Variants in CSMD1 observed in about 807,000 individuals in gnomAD.
CSMD1 encodes the protein CUB and Sushi multiple domains 1, also known as CUB and sushi domain-containing protein 1.
Under a neutral mutation model 417.5 loss-of-function variants are expected in CSMD1, and 213 were observed. The observed-to-expected ratio is 0.51, with a 90% CI of 0.46 to 0.57. CSMD1 has a LOEUF of 0.57. Among genes scored for constraint, CSMD1 ranks in the 20% least tolerant of loss-of-function variants. The probability of loss-of-function intolerance (pLI) is 0.00; values close to 1 mark genes in which losing one functional copy is unlikely to be tolerated. For synonymous variants in CSMD1, 2,862 were observed against 1,736.8 expected (o/e 1.65, Z -16.11); for missense variants, 6,923 against 4,529.7 (o/e 1.53, Z -15.17).
rs1585117801 is a variant in CSMD1 at position 3,870,143 on chromosome 8, C to T, written c.819-116101G>A. ...AGGTAGAATAAAAACAGAGATTACACATTATTTTACAATTTGAATCTTGGT... is the reference window on the plus strand; with the variant it reads ...AGGTAGAATAAAAACAGAGATTACATATTATTTTACAATTTGAATCTTGGT... On this transcript the variant is annotated intron_variant, in intron 5 of 69. Transcript: ENST00000635120. Among the ~76,000 whole-genome samples, 3 of 152,202 alleles carry T rather than the reference C, an allele frequency of 2.0e-5. 1 individual carries two copies. Among genetic ancestry groups the T allele is most frequent in the Middle Eastern group, 6.8e-3 (2 of 294 alleles).
At chr8:3,652,847 C>T (rs1797927663) in intron 7 of CSMD1, among the ~76,000 whole-genome samples, 2 of 152,140 alleles carry the variant, frequency 1.3e-5, no homozygotes, top group Admixed American at 6.5e-5. Context: ...ACCGTATTGG[C>T]AGAACCTAGA....
At chr8:4,935,134 T>C (rs1226223095) in intron 1 of CSMD1, among the ~76,000 whole-genome samples, 3 of 152,212 alleles carry the variant, frequency 2.0e-5, no homozygotes, top group Admixed American at 6.5e-5. Context: ...CCACTTTCAA[T>C]ATGTGTATCA....
chr8:2,970,492 C>T (rs955029684), intron 57 of CSMD1, among the ~76,000 whole-genome samples: 5 of 152,178 alleles, frequency 3.3e-5, no homozygotes, highest in African/African-American at 1.2e-4. Context: ...AAGGATAGTT[C>T]TGCTTTTAAT....
chr8:4,174,476 G>C (rs1797931617), intron 3 of CSMD1, among the ~76,000 whole-genome samples: 1 of 151,514 alleles, frequency 6.6e-6, no homozygotes, highest in East Asian at 2.0e-4. Flanking sequence ...AGGTTTGGAA[G>C]GTTATTAAAT....
rs113517292 is a variant in CSMD1, at chr8:4,123,123, A to T, written c.416-91024T>A. Among the ~76,000 whole-genome samples the T allele has an allele frequency of 3.8e-3, 580 of 152,360 alleles. 4 individuals carry two copies. The highest frequency in any genetic ancestry group is 0.01 in the Middle Eastern group (3 of 294). Reference sequence around the variant, plus strand: ...ACAGAAAAATGATCCATCAGTACACAAAATAGGAAGATGAAGAATATTTAG... The same window carrying T: ...ACAGAAAAATGATCCATCAGTACACTAAATAGGAAGATGAAGAATATTTAG... On this transcript the variant is annotated intron_variant, in intron 3 of 69. Transcript: ENST00000635120.
At position 3,521,698 on chromosome 8, in the gene CSMD1, G is replaced by C. The variant is rs114497221; in HGVS notation, c.1345-27972C>G. Among the ~76,000 whole-genome samples the C allele has an allele frequency of 8.1e-3, 1,229 of 152,262 alleles. 15 individuals are homozygous for C. The highest frequency in any genetic ancestry group is 0.028 in the African/African-American group (1,175 of 41,558). On this transcript the variant is annotated intron_variant, in intron 10 of 69. Transcript: ENST00000635120. Reference sequence around the variant, plus strand: ...AGTGATGTTAAAGGTCATCAACCATGACCAGAATTTTCTTAATGAGAACAG... The same window carrying C: ...AGTGATGTTAAAGGTCATCAACCATCACCAGAATTTTCTTAATGAGAACAG...
intron 2 of CSMD1, among the ~76,000 whole-genome samples, chr8:4,603,956 T>C (rs1191767599): frequency 6.6e-6 from 1 of 152,212 alleles, no homozygotes; most frequent in African/African-American, 2.4e-5. Context: ...TACATCTATA[T>C]ACATTTCTAA....
At chr8:3,827,317 T>C (rs1802112133) in intron 5 of CSMD1, among the ~76,000 whole-genome samples, 1 of 152,218 alleles carries the variant, frequency 6.6e-6, no homozygotes, top group Admixed American at 6.5e-5. Flanking sequence ...AGGCTCTATA[T>C]AAAAGAATTA....
At chr8:3,503,236 C>A (rs553079160) in intron 10 of CSMD1, among the ~76,000 whole-genome samples, 1 of 152,184 alleles carries the variant, frequency 6.6e-6, no homozygotes, top group African/African-American at 2.4e-5. Context: ...GTCATTAATT[C>A]TGGGATATCC....
chr8:4,708,188 A>G (rs1230191990), intron 1 of CSMD1, among the ~76,000 whole-genome samples: 1 of 152,100 alleles, frequency 6.6e-6, no homozygotes, highest in East Asian at 1.9e-4. Context: ...CTCCACAAAC[A>G]ATCCACCTAC....
chr8:3,864,675 C>G (rs900942134), intron 5 of CSMD1, among the ~76,000 whole-genome samples: 5 of 152,022 alleles, frequency 3.3e-5, no homozygotes, highest in Non-Finnish European at 5.9e-5. Context: ...AAGACACTTT[C>G]GACTGATGAA....
At chr8:3,448,616 C>A (rs765327601) in intron 12 of CSMD1, among the ~76,000 whole-genome samples, 1 of 151,938 alleles carries the variant, frequency 6.6e-6, no homozygotes, top group Non-Finnish European at 1.5e-5. Context: ...ACATGCCATG[C>A]AAAGGTGAGA....
chr8:4,511,716 G>T (rs1438014873), intron 2 of CSMD1, among the ~76,000 whole-genome samples: 1 of 152,144 alleles, frequency 6.6e-6, no homozygotes, highest in African/African-American at 2.4e-5. Context: ...AACTGCTGCT[G>T]GCTCAGTGTT....
At chr8:4,941,114 C>G (rs890797006) in intron 1 of CSMD1, among the ~76,000 whole-genome samples, 1 of 152,070 alleles carries the variant, frequency 6.6e-6, no homozygotes, top group Admixed American at 6.6e-5. Context: ...GTTTGTCTTT[C>G]GCCTCTGATT....
chr8:4,679,994 G>A (rs1298660454), intron 1 of CSMD1, among the ~76,000 whole-genome samples: 5 of 152,120 alleles, frequency 3.3e-5, no homozygotes, highest in Non-Finnish European at 2.9e-5. Context: ...ATAACAGCTT[G>A]TAATTTGTTT....
At chr8:3,700,799 G>A (rs867574921) in intron 7 of CSMD1, among the ~76,000 whole-genome samples, 1 of 152,130 alleles carries the variant, frequency 6.6e-6, no homozygotes, top group South Asian at 2.1e-4. Flanking sequence ...AAGGGTGGGA[G>A]CAAAGGAGTT....
chr8:3,655,899 A>G (rs571332550), intron 7 of CSMD1, among the ~76,000 whole-genome samples: 11 of 152,142 alleles, frequency 7.2e-5, no homozygotes, highest in East Asian at 1.9e-4. Flanking sequence ...CAAGACCTTA[A>G]TCCTTGTGAT....
chr8:4,707,323 T>C, intron 1 of CSMD1, among the ~76,000 whole-genome samples: 1 of 152,176 alleles, frequency 6.6e-6, no homozygotes, highest in East Asian at 1.9e-4. Flanking sequence ...AATTAATTTC[T>C]TCAAGATCAC....
intron 19 of CSMD1, among the ~76,000 whole-genome samples, chr8:3,368,557 T>A (rs1486256062): frequency 2.0e-5 from 3 of 152,204 alleles, no homozygotes; most frequent in Admixed American, 6.5e-5. Context: ...TAGTCTGGTC[T>A]GGAACTCCTG....
Sources: gnomAD v4.1 joint callset for allele counts (sites outside exome capture counted in the v4.1 genomes callset) on GRCh38, gnomAD v4.1.1 for gene constraint, MANE v1.5 for transcripts, NCBI Gene and HGNC (gene_info 2026-07-23, HGNC 2026-07-21) for gene names.